The following OXR1 variants were observed in gnomAD, a reference collection of about 807,000 sequenced individuals.
OXR1 encodes oxidation resistance 1, also known as oxidation resistance protein 1.
Under a neutral mutation model 104.6 loss-of-function variants are expected in OXR1, and 41 were observed. The observed-to-expected ratio is 0.39, with a 90% CI of 0.31 to 0.51. OXR1 has a LOEUF of 0.51. OXR1 is among the 20% of genes least tolerant of loss of function. The probability of loss-of-function intolerance (pLI) is 0.77; values close to 1 mark genes in which losing one functional copy is unlikely to be tolerated. For synonymous variants in OXR1, 348 were observed against 348.4 expected (o/e 1.00, Z 0.01); for missense variants, 955 against 1,031.9 (o/e 0.93, Z 1.02).
chr8:106,273,341 G>C (rs977660309), intron 1 of OXR1, among the ~76,000 whole-genome samples: 2 of 152,208 alleles, frequency 1.3e-5, no homozygotes, highest in African/African-American at 2.4e-5. Context: ...TGGAAGAAGA[G>C]AAATCACTTT....
intron 11 of OXR1, among the ~76,000 whole-genome samples, chr8:106,732,081 T>C (rs1422166006): frequency 6.6e-6 from 1 of 152,170 alleles, no homozygotes; most frequent in Non-Finnish European, 1.5e-5. Flanking sequence ...TCTACTTTTT[T>C]TCACGTAGAT....
chr8:106,677,833 A>G (rs1827759394), intron 3 of OXR1, among the ~76,000 whole-genome samples: 1 of 152,092 alleles, frequency 6.6e-6, no homozygotes, highest in African/African-American at 2.4e-5. Flanking sequence ...TTCTTTCTCT[A>G]CTTTTCTTTA....
chr8:106,519,246 A>T, intron 3 of OXR1, 107 bp downstream of exon 3: 1 of 677,354 alleles, frequency 1.5e-6, no homozygotes, highest in Non-Finnish European at 2.5e-6. Context: ...AAAACATGTA[A>T]ATCTTTCTGA....
chr8:106,304,820 C>A (rs1159675770), intron 1 of OXR1, among the ~76,000 whole-genome samples: 1 of 152,024 alleles, frequency 6.6e-6, no homozygotes, highest in Admixed American at 6.6e-5. Context: ...GCAGGTTCTA[C>A]CTTTTACTCA....
chr8:106,399,699 C>T (rs930421127), intron 2 of OXR1, among the ~76,000 whole-genome samples: 2 of 152,120 alleles, frequency 1.3e-5, no homozygotes, highest in African/African-American at 4.8e-5. Context: ...AGATGTAACA[C>T]AATCTAGCTT....
At chr8:106,627,755 C>A (rs1398163260) in intron 3 of OXR1, among the ~76,000 whole-genome samples, 17 of 152,124 alleles carry the variant, frequency 1.1e-4, no homozygotes, top group Admixed American at 1.1e-3. Flanking sequence ...AATAAAGAGA[C>A]CACCATTACT....
intron 2 of OXR1, among the ~76,000 whole-genome samples, chr8:106,399,098 A>G (rs1339094725): frequency 6.6e-6 from 1 of 152,126 alleles, no homozygotes; most frequent in East Asian, 1.9e-4. Flanking sequence ...AAATACTGAA[A>G]TGTTGTGAAG....
chr8:106,433,411 G>T (rs530640264), intron 2 of OXR1, among the ~76,000 whole-genome samples: 28 of 152,274 alleles, frequency 1.8e-4, no homozygotes, highest in Middle Eastern at 3.4e-3. Context: ...GACTCTTGGA[G>T]CCAGAGGCTG....
intron 11 of OXR1, among the ~76,000 whole-genome samples, chr8:106,718,667 G>A (rs1314707992): frequency 5.9e-5 from 9 of 151,358 alleles, no homozygotes; most frequent in Non-Finnish European, 1.2e-4. Context: ...GTGAAACCCC[G>A]TCTCTACTAA....
intron 3 of OXR1, among the ~76,000 whole-genome samples, chr8:106,527,649 C>T (rs1476893722): frequency 1.3e-5 from 2 of 152,184 alleles, no homozygotes; most frequent in Non-Finnish European, 2.9e-5. Context: ...CTGGCCACAA[C>T]TTCTCTAAAT....
At chr8:106,705,574 G>C (rs577771415) in intron 8 of OXR1, among the ~76,000 whole-genome samples, 2 of 152,090 alleles carry the variant, frequency 1.3e-5, no homozygotes, top group African/African-American at 4.8e-5. Flanking sequence ...TTTTCATTAA[G>C]AACTCATATA....
At chr8:106,385,040 A>G (rs1236929297) in intron 2 of OXR1, among the ~76,000 whole-genome samples, 1 of 152,158 alleles carries the variant, frequency 6.6e-6, no homozygotes, top group African/African-American at 2.4e-5. Context: ...AACTTAAAAT[A>G]ATATTAAAGA....
chr8:106,329,548 C>T (rs933333601), intron 1 of OXR1, among the ~76,000 whole-genome samples: 1 of 151,998 alleles, frequency 6.6e-6, no homozygotes, highest in African/African-American at 2.4e-5. Context: ...GGGGTTTCAC[C>T]GTGTTAGCCC....
At chr8:106,491,609 A>C (rs1283690095) in intron 2 of OXR1, among the ~76,000 whole-genome samples, 1 of 152,164 alleles carries the variant, frequency 6.6e-6, no homozygotes, top group African/African-American at 2.4e-5. Flanking sequence ...AAGCCTGTGA[A>C]AGCAAGCAGT....
At chr8:106,360,921 A>G (rs1444409601) in intron 2 of OXR1, among the ~76,000 whole-genome samples, 1 of 152,156 alleles carries the variant, frequency 6.6e-6, no homozygotes, top group Non-Finnish European at 1.5e-5. Flanking sequence ...AAGGAAAAGG[A>G]AAGGGCAGGA....
chr8:106,738,081 G>A (rs769460757), intron 12 of OXR1, among the ~76,000 whole-genome samples: 4 of 152,002 alleles, frequency 2.6e-5, no homozygotes, highest in Non-Finnish European at 4.4e-5. Context: ...GGTATTAGGA[G>A]TACATTGGAA....
rs144427819 is a variant in OXR1 at position 106,299,659 on chromosome 8, G to A, written c.-139+29292G>A. On this transcript the variant is annotated intron_variant, in intron 1 of 16. Coordinates refer to ENST00000517566, the MANE Select transcript of OXR1 (RefSeq NM_001198533.2). ...TTATTCTTCATATTAATGTCATTGC[G>A]ACACTATTTCTATATTATAAAGTTC... Among the ~76,000 whole-genome samples, 144 of 151,996 alleles carry A rather than the reference G, an allele frequency of 9.5e-4. 1 individual carries two copies. The East Asian group carries it at 0.023, about 24-fold the overall frequency.
chr8:106,567,476 A>AT (rs1399952092), intron 3 of OXR1, among the ~76,000 whole-genome samples: 1 of 152,128 alleles, frequency 6.6e-6, no homozygotes, highest in Non-Finnish European at 1.5e-5. Flanking sequence ...GTTAAAATTC[A>AT]TTTTTTAGCC....
chr8:106,335,671 A>G (rs942070770), intron 1 of OXR1, among the ~76,000 whole-genome samples: 1 of 152,142 alleles, frequency 6.6e-6, no homozygotes, highest in African/African-American at 2.4e-5. Flanking sequence ...CGATTATTTG[A>G]TTCCTAATCT....
Sources: gnomAD v4.1 joint callset for allele counts (sites outside exome capture counted in the v4.1 genomes callset) on GRCh38, gnomAD v4.1.1 for gene constraint, MANE v1.5 for transcripts, NCBI Gene and HGNC (gene_info 2026-07-23, HGNC 2026-07-21) for gene names.